The following NXPE4 variants were observed in gnomAD, a reference collection of about 807,000 sequenced individuals.
NXPE4 encodes the protein neurexophilin and PC-esterase domain family member 4.
In NXPE4, 42 loss-of-function variants were observed where a neutral mutation model predicts 33.3. That is an observed-to-expected ratio of 1.26 (90% confidence interval 0.98 to 1.63). The LOEUF (loss-of-function observed/expected upper bound fraction) is 1.63. Among genes scored for constraint, NXPE4 ranks in the 40% most tolerant of loss-of-function variants. The pLI, the probability that NXPE4 is intolerant of heterozygous loss-of-function variation, is 0.00. For synonymous variants in NXPE4, 253 were observed against 234.9 expected (o/e 1.08, Z -0.71); for missense variants, 709 against 647.6 (o/e 1.09, Z -1.03).
At chr11:114,603,363 A>G in the NXPE4 span, among the ~76,000 whole-genome samples, 8 of 131,778 alleles carry the variant, frequency 6.1e-5, no homozygotes, top group African/African-American at 1.7e-4. Flanking sequence ...CTATTACCTG[A>G]CGGATGATAA....
the NXPE4 span, among the ~76,000 whole-genome samples, chr11:114,623,916 C>A: frequency 6.6e-6 from 1 of 151,852 alleles, no homozygotes. Context: ...ATCATTGCTA[C>A]CCAGTGGATA....
the NXPE4 span, among the ~76,000 whole-genome samples, chr11:114,604,936 T>A: frequency 6.6e-6 from 1 of 151,982 alleles, no homozygotes; most frequent in Non-Finnish European, 1.5e-5. Context: ...GGGTACCCAC[T>A]GTTACCTGGT....
chr11:114,650,549 C>T, the NXPE4 span, among the ~76,000 whole-genome samples: 3 of 152,102 alleles, frequency 2.0e-5, no homozygotes, highest in Non-Finnish European at 4.4e-5. Flanking sequence ...AGGGCAAGTA[C>T]TGTTCTCCTT....
chr11:114,612,559 G>C, the NXPE4 span, among the ~76,000 whole-genome samples: 1 of 151,504 alleles, frequency 6.6e-6, no homozygotes, highest in Non-Finnish European at 1.5e-5. Context: ...TTGCCTCATG[G>C]GTAACCACTG....
At chr11:114,637,542 C>T in the NXPE4 span, among the ~76,000 whole-genome samples, 1 of 150,818 alleles carries the variant, frequency 6.6e-6, no homozygotes, top group Admixed American at 6.6e-5. Flanking sequence ...TTAGTTGATA[C>T]AGTTTCTTCC....
At chr11:114,606,463 C>A in the NXPE4 span, among the ~76,000 whole-genome samples, 1 of 147,394 alleles carries the variant, frequency 6.8e-6, no homozygotes, top group Non-Finnish European at 1.5e-5. Flanking sequence ...TAATGTGTTG[C>A]CTCTAGGGTA....
the NXPE4 span, among the ~76,000 whole-genome samples, chr11:114,622,368 A>G: frequency 6.6e-6 from 1 of 152,056 alleles, no homozygotes; most frequent in Admixed American, 6.6e-5. Flanking sequence ...AACCACTGTT[A>G]CCAAGTGGAT....
At chr11:114,632,974 T>G in the NXPE4 span, among the ~76,000 whole-genome samples, 11 of 103,790 alleles carry the variant, frequency 1.1e-4, no homozygotes, top group Non-Finnish European at 1.9e-4. Context: ...ATATATTATA[T>G]ATTATATATT....
At chr11:114,590,389 C>G (rs997552206) in intron 2 of NXPE4, among the ~76,000 whole-genome samples, 1 of 152,170 alleles carries the variant, frequency 6.6e-6, no homozygotes, top group African/African-American at 2.4e-5. Context: ...CCTCCTTCCC[C>G]CTCCCTAAAA....
rs780917698 is a variant in NXPE4 at position 114,571,161 on chromosome 11, A to C, written c.1412T>G (p.Ile471Ser). The C allele has an allele frequency of 6.2e-7, 1 of 1,614,004 alleles. No homozygotes were observed. The highest frequency in any genetic ancestry group is 1.1e-5 in the South Asian group (1 of 91,088). Residue 471 changes from isoleucine (I) to serine (S), a missense_variant, in exon 6 of 6, where the codon ATC becomes AGC. Ile to Ser is a moderately radical substitution (Grantham distance 142). Coordinates refer to ENST00000375478, the MANE Select transcript of NXPE4 (RefSeq NM_001077639.2). ...LLLRSPDTMV[I>S]IKTENIREMY... ...CTCCCTGATGTTTTCTGTTTTGATG[A>C]TAACCATAGTGTCTGGGCTTCTCAG... is the stretch of plus-strand genomic sequence containing the variant.
the NXPE4 span, among the ~76,000 whole-genome samples, chr11:114,625,874 G>A: frequency 6.6e-6 from 1 of 152,112 alleles, no homozygotes; most frequent in Non-Finnish European, 1.5e-5. Context: ...AAGCGCAAGG[G>A]GTCAGGGAGT....
the NXPE4 span, among the ~76,000 whole-genome samples, chr11:114,669,972 A>T: frequency 2.0e-5 from 3 of 152,082 alleles, no homozygotes; most frequent in African/African-American, 7.2e-5. Context: ...GCAAGCTGGC[A>T]GCTCCTTGAC....
chr11:114,585,141 C>T (rs1161958305), intron 2 of NXPE4, among the ~76,000 whole-genome samples: 2 of 151,828 alleles, frequency 1.3e-5, no homozygotes, highest in Non-Finnish European at 2.9e-5. Flanking sequence ...TTCTCACTGG[C>T]CTCAAGTGAG....
chr11:114,636,262 T>G, the NXPE4 span, among the ~76,000 whole-genome samples: 6,537 of 152,162 alleles, frequency 0.043, 475 homozygotes, highest in African/African-American at 0.15. Context: ...GAGGTGTTTG[T>G]AGTATTCTCT....
At position 114,581,741 on chromosome 11, in the gene NXPE4, A is replaced by T; in HGVS notation, c.876T>A (p.Ser292Arg). The T allele has an allele frequency of 6.2e-7, 1 of 1,612,178 alleles. No homozygotes were observed. Among genetic ancestry groups the T allele is most frequent in the South Asian group, 1.1e-5 (1 of 90,824 alleles). The stretch of plus-strand genomic sequence containing the variant: ...AGTACTTACTGTTGCATTTGGAGAC[A>T]CTAATTGTATTGAATTTTTCCATAA... ...VEIMEKFNTISVSKCNKETVA... is the reference protein window; with the variant it reads ...VEIMEKFNTIRVSKCNKETVA... Residue 292 changes from serine to arginine, a missense_variant, in exon 4 of 6, where the codon AGT becomes AGA. Coordinates refer to ENST00000375478, the MANE Select transcript of NXPE4 (RefSeq NM_001077639.2).
the NXPE4 span, among the ~76,000 whole-genome samples, chr11:114,603,702 A>C: frequency 5.3e-5 from 8 of 151,776 alleles, no homozygotes; most frequent in Non-Finnish European, 1.0e-4. Context: ...GGGGATGATA[A>C]GTATTGCCTC....
intron 2 of NXPE4, among the ~76,000 whole-genome samples, chr11:114,590,635 A>G (rs969566132): frequency 8.5e-5 from 13 of 152,272 alleles, no homozygotes; most frequent in Non-Finnish European, 1.6e-4. Context: ...ATCTTTATGT[A>G]TCAGAAAGGA....
the NXPE4 span, among the ~76,000 whole-genome samples, chr11:114,655,508 G>A: frequency 6.6e-6 from 1 of 152,162 alleles, no homozygotes; most frequent in East Asian, 1.9e-4. Flanking sequence ...TGTATAAGGT[G>A]TAAGGAAAGG....
the NXPE4 span, among the ~76,000 whole-genome samples, chr11:114,607,161 T>G: frequency 1.3e-5 from 2 of 151,908 alleles, no homozygotes; most frequent in African/African-American, 4.8e-5. Context: ...TATTACCCAC[T>G]GGATAATCAG....
Sources: allele counts gnomAD v4.1 joint callset (sites outside exome capture counted in the v4.1 genomes callset), GRCh38; gene constraint gnomAD v4.1.1; transcripts MANE v1.5; gene names NCBI Gene and HGNC (gene_info 2026-07-23, HGNC 2026-07-21).